Variants in TBC1D14 observed in about 807,000 individuals in gnomAD.
TBC1D14 encodes the protein TBC1 domain family, member 14.
Under a neutral mutation model 79.0 loss-of-function variants are expected in TBC1D14, and 26 were observed. That is an observed-to-expected ratio of 0.33 (90% CI 0.24 to 0.46). The LOEUF (loss-of-function observed/expected upper bound fraction) is 0.46. Among genes scored for constraint, TBC1D14 ranks in the 20% least tolerant of loss-of-function variants. The pLI, the probability that TBC1D14 is intolerant of heterozygous loss-of-function variation, is 1.00. For synonymous variants in TBC1D14, 394 were observed against 349.9 expected (o/e 1.13, Z -1.40); for missense variants, 769 against 887.6 (o/e 0.87, Z 1.70).
intron 3 of TBC1D14, among the ~76,000 whole-genome samples, chr4:6,986,074 A>G (rs919002833): frequency 6.6e-6 from 1 of 152,200 alleles, no homozygotes; most frequent in African/African-American, 2.4e-5. Context: ...TCTCACCCCC[A>G]GGCAAACATG....
intron 2 of TBC1D14, among the ~76,000 whole-genome samples, chr4:6,955,021 G>C (rs1013587821): frequency 4.6e-5 from 7 of 152,250 alleles, no homozygotes; most frequent in African/African-American, 1.2e-4. Context: ...GGAATTTTGA[G>C]CACAGTGATT....
intron 2 of TBC1D14, among the ~76,000 whole-genome samples, chr4:6,946,210 C>T (rs1419715825): frequency 6.6e-6 from 1 of 151,936 alleles, no homozygotes. Context: ...ATAGTTGGTT[C>T]TCAATATGTA....
Position 6,923,680 on chromosome 4 carries a change from C to G in TBC1D14, c.291C>G (p.Pro97=). The G allele has an allele frequency of 3.1e-6, 5 of 1,613,778 alleles. No individual in the cohort carries two copies. The highest frequency in any genetic ancestry group is 1.3e-5 in the African/African-American group (1 of 75,066). Residue 97 remains proline, a synonymous_variant, in exon 2 of 14, where the codon CCC becomes CCG. Coordinates refer to ENST00000409757, the MANE Select transcript of TBC1D14 (RefSeq NM_020773.3). ...AGCAGTCCGACTCCGACCTCATCCC[C>G]GAGCGGGCCTTCCAGAGCGCCTGCG... ...RRKQSDSDLI[P]ERAFQSACAL... is the part of the protein sequence containing the mutation.
At chr4:6,995,002 T>G (rs1213196713) in intron 4 of TBC1D14, among the ~76,000 whole-genome samples, 1 of 152,204 alleles carries the variant, frequency 6.6e-6, no homozygotes, top group Non-Finnish European at 1.5e-5. Flanking sequence ...TCCAGTCGTT[T>G]TCATGCTCTG....
At position 6,952,840 on chromosome 4, in the gene TBC1D14, G is replaced by T. The variant is rs555785935; in HGVS notation, c.723-14464G>T. ...TGGTGGTTTAGACTAGTTTTTTTTT[G>T]TTGTTGTTGTTTTTGTTTTGTTTTT... On this transcript the variant is annotated intron_variant, in intron 2 of 13. Transcript: ENST00000409757. Among the ~76,000 whole-genome samples, 260 of 151,560 alleles carry T rather than the reference G, an allele frequency of 1.7e-3. 1 individual carries two copies. The highest frequency in any genetic ancestry group is 2.0e-3 in the Non-Finnish European group (134 of 67,834).
chr4:6,926,054 C>T (rs1285487853), intron 2 of TBC1D14, among the ~76,000 whole-genome samples: 1 of 152,196 alleles, frequency 6.6e-6, no homozygotes, highest in Non-Finnish European at 1.5e-5. Context: ...GAACAAGTTC[C>T]TTCACCTCCC....
At chr4:6,989,106 T>C (rs558632211) in intron 3 of TBC1D14, among the ~76,000 whole-genome samples, 1 of 152,210 alleles carries the variant, frequency 6.6e-6, no homozygotes, top group East Asian at 1.9e-4. Context: ...CAAATGTGCA[T>C]TGAAGCAGGC....
chr4:6,996,388 G>A lies in TBC1D14; in HGVS notation c.1026G>A (p.Val342=), dbSNP rs1348388036. Residue 342 remains valine (V), a synonymous_variant, in exon 5 of 14, where the codon GTG becomes GTA. Transcript: ENST00000409757. ...ACAGACAGCAGTATGAAGAAATGGTGGTTCAGGCCAAAAAGCGAGGTAATG... is the reference window on the plus strand; with the variant it reads ...ACAGACAGCAGTATGAAGAAATGGTAGTTCAGGCCAAAAAGCGAGGTAATG... ...QKHRQQYEEM[V]VQAKKRELKE... is the part of the protein sequence containing the mutation. The A allele has an allele frequency of 1.2e-6, 2 of 1,613,542 alleles. No individual in the cohort carries two copies. The highest frequency in any genetic ancestry group is 1.7e-5 in the Admixed American group (1 of 59,960).
chr4:6,942,694 G>A (rs1415199645), intron 2 of TBC1D14, among the ~76,000 whole-genome samples: 2 of 152,148 alleles, frequency 1.3e-5, no homozygotes, highest in African/African-American at 4.8e-5. Context: ...GGGAAGGCGG[G>A]TCAAAAGGAG....
rs370835998 is a variant in TBC1D14, at chr4:6,996,451, G to C, written c.1045+44G>C. The stretch of plus-strand genomic sequence containing the variant: ...GATGGGTTAAATCAGGCAGCACAGG[G>C]TTTGTGTCTTTCTGGTTATTTTCTT... On this transcript the variant is annotated intron_variant, in intron 5 of 13. Transcript: ENST00000409757. 1.1e-3 allele frequency: 1,528 copies of C among 1,437,388 alleles called. 1 individual carries two copies. The highest frequency in any genetic ancestry group is 1.3e-3 in the Non-Finnish European group (1,384 of 1,028,594). The allele number at this position is 1,437,388 out of a possible 1,614,324, so 89.0% of individuals were successfully genotyped here.
chr4:6,920,935 C>T (rs1265933722), intron 1 of TBC1D14, among the ~76,000 whole-genome samples: 3 of 152,196 alleles, frequency 2.0e-5, no homozygotes, highest in Non-Finnish European at 4.4e-5. Flanking sequence ...TCTGCCACCA[C>T]GTGCAGCTAA....
At chr4:7,014,824 C>G (rs1721122855) in intron 12 of TBC1D14, among the ~76,000 whole-genome samples, 1 of 152,262 alleles carries the variant, frequency 6.6e-6, no homozygotes, top group African/African-American at 2.4e-5. Context: ...AAGCACCCGG[C>G]CTGTGCAGGC....
At chr4:6,975,800 T>C (rs1277082617) in intron 3 of TBC1D14, among the ~76,000 whole-genome samples, 4 of 152,100 alleles carry the variant, frequency 2.6e-5, no homozygotes, top group Non-Finnish European at 5.9e-5. Flanking sequence ...CAATAGAAAT[T>C]ATCCAATCCA....
intron 2 of TBC1D14, among the ~76,000 whole-genome samples, chr4:6,956,457 C>T (rs1714647234): frequency 6.6e-6 from 1 of 152,250 alleles, no homozygotes; most frequent in Non-Finnish European, 1.5e-5. Context: ...AGGCTCCCAA[C>T]ACGCCATCCC....
chr4:6,913,398 T>C (rs1723152778), intron 1 of TBC1D14, among the ~76,000 whole-genome samples: 1 of 152,244 alleles, frequency 6.6e-6, no homozygotes. Flanking sequence ...TGGGTGAATA[T>C]ACCTTTTGGG....
chr4:6,946,576 C>G (rs1021567750), intron 2 of TBC1D14, among the ~76,000 whole-genome samples: 6 of 152,152 alleles, frequency 3.9e-5, no homozygotes, highest in African/African-American at 1.4e-4. Flanking sequence ...CTGCCTCGGC[C>G]TTCCAAAGTG....
At position 6,941,531 on chromosome 4, in the gene TBC1D14, C is replaced by T. The variant is rs77874987; in HGVS notation, c.722+17420C>T. Among the ~76,000 whole-genome samples, 446 of 152,276 alleles carry T rather than the reference C, an allele frequency of 2.9e-3. 1 individual carries two copies. The highest frequency in any genetic ancestry group is 0.01 in the African/African-American group (421 of 41,544). On this transcript the variant is annotated intron_variant, in intron 2 of 13. Transcript: ENST00000409757. ...TACCACTTTATGTTGCTCCTGACATCGTCTTCCTGTGGGGAAGGCAGACAC... is the reference window on the plus strand; with the variant it reads ...TACCACTTTATGTTGCTCCTGACATTGTCTTCCTGTGGGGAAGGCAGACAC...
intron 2 of TBC1D14, among the ~76,000 whole-genome samples, chr4:6,938,909 G>A (rs923692500): frequency 6.6e-6 from 1 of 152,202 alleles, no homozygotes; most frequent in African/African-American, 2.4e-5. Context: ...AAGAGTATCC[G>A]TCCCGGCTGC....
chr4:7,022,915 C>G (rs953590785), intron 12 of TBC1D14, among the ~76,000 whole-genome samples: 1 of 151,972 alleles, frequency 6.6e-6, no homozygotes, highest in Admixed American at 6.6e-5. Context: ...GCTATAAAAA[C>G]TATTTGACTA....
Sources: gnomAD v4.1 joint callset for allele counts (sites outside exome capture counted in the v4.1 genomes callset) on GRCh38, gnomAD v4.1.1 for gene constraint, MANE v1.5 for transcripts, NCBI Gene and HGNC (gene_info 2026-07-23, HGNC 2026-07-21) for gene names.